Variants in ARHGAP20 observed in about 807,000 individuals in gnomAD.
The protein encoded by ARHGAP20 is Rho GTPase activating protein 20, also known as rho GTPase-activating protein 20.
A neutral mutation model predicts 73.7 loss-of-function variants in ARHGAP20; 34 were observed. The observed-to-expected ratio is 0.46, with a 90% confidence interval of 0.35 to 0.61. The LOEUF (loss-of-function observed/expected upper bound fraction) is 0.61, where lower values mean the gene tolerates loss of function less well. Ranked by LOEUF, ARHGAP20 falls within the 20% of genes least tolerant of loss-of-function variation. The pLI is 0.00. For missense variants in ARHGAP20, 1,314 were observed against 1,420.9 expected (o/e 0.92, Z 1.21); for synonymous variants, 523 against 518.2 (o/e 1.01, Z -0.13).
intron 2 of ARHGAP20, among the ~76,000 whole-genome samples, chr11:110,656,359 G>T (rs1356910995): frequency 2.0e-5 from 3 of 152,120 alleles, no homozygotes; most frequent in Non-Finnish European, 4.4e-5. Flanking sequence ...ATTCTACTTT[G>T]AATTGGTGGA....
chr11:110,598,423 C>T (rs1480599196), intron 9 of ARHGAP20, among the ~76,000 whole-genome samples: 1 of 152,174 alleles, frequency 6.6e-6, no homozygotes, highest in East Asian at 1.9e-4. Flanking sequence ...TTCCATTCCA[C>T]TCAAGTTTTT....
intron 2 of ARHGAP20, among the ~76,000 whole-genome samples, chr11:110,650,511 C>G (rs1464874429): frequency 2.0e-5 from 3 of 152,118 alleles, no homozygotes; most frequent in Admixed American, 2.0e-4. Context: ...AAGAAAGTAA[C>G]TAACTCTCTT....
intron 1 of ARHGAP20, among the ~76,000 whole-genome samples, chr11:110,696,190 A>C (rs945257591): frequency 2.0e-5 from 3 of 151,630 alleles, no homozygotes; most frequent in Non-Finnish European, 4.4e-5. Flanking sequence ...ATGATAGCTA[A>C]GGGGGTTCAG....
At chr11:110,599,898 G>A (rs1948068487) in intron 9 of ARHGAP20, among the ~76,000 whole-genome samples, 1 of 151,990 alleles carries the variant, frequency 6.6e-6, no homozygotes, top group Non-Finnish European at 1.5e-5. Flanking sequence ...CAACTACAGG[G>A]AGGAGCTATC....
intron 2 of ARHGAP20, among the ~76,000 whole-genome samples, chr11:110,650,875 A>G (rs1377325142): frequency 6.6e-6 from 1 of 152,180 alleles, no homozygotes; most frequent in Non-Finnish European, 1.5e-5. Flanking sequence ...AAGATGCCCA[A>G]TGTAGTTCTG....
rs1948370903 is a variant in ARHGAP20 at position 110,611,721 on chromosome 11, TTATTTCCATAATTG to T, written c.631-349_631-336del. The stretch of plus-strand genomic sequence containing the variant: ...AGATCAGTGAGGTTGGTCCTCTGTC[TTATTTCCATAATTG>T]TATTTCCATAAGGCAATGGGTAATA... On this transcript the variant is annotated intron_variant, in intron 6 of 14. Transcript: ENST00000683387. Among the ~76,000 whole-genome samples the T allele has an allele frequency of 2.0e-5, 3 of 152,226 alleles. No homozygotes were observed. In the South Asian group the frequency reaches 6.2e-4, roughly 32 times the overall value.
At chr11:110,585,113 A>C (rs933986826) in intron 12 of ARHGAP20, among the ~76,000 whole-genome samples, 1 of 150,004 alleles carries the variant, frequency 6.7e-6, no homozygotes, top group Non-Finnish European at 1.5e-5. Context: ...ATATATGTGA[A>C]TATATATGAA....
intron 2 of ARHGAP20, among the ~76,000 whole-genome samples, chr11:110,668,741 T>C (rs1054524077): frequency 2.0e-5 from 3 of 152,232 alleles, no homozygotes; most frequent in Non-Finnish European, 4.4e-5. Flanking sequence ...ATAACTTTTA[T>C]ATGCACTGGG....
intron 8 of ARHGAP20, among the ~76,000 whole-genome samples, chr11:110,607,295 G>T (rs1948256914): frequency 6.6e-6 from 1 of 152,080 alleles, no homozygotes; most frequent in African/African-American, 2.4e-5. Flanking sequence ...TACTCAACTG[G>T]TTTGATTTAT....
chr11:110,605,907 AC>A (rs57445979), intron 9 of ARHGAP20, among the ~76,000 whole-genome samples: 3,824 of 152,312 alleles, frequency 0.025, 136 homozygotes, highest in African/African-American at 0.081. Context: ...TCTCACTCAT[AC>A]TTTTTGATAT....
chr11:110,672,302 T>C (rs1432602444), intron 2 of ARHGAP20, among the ~76,000 whole-genome samples: 1 of 152,132 alleles, frequency 6.6e-6, no homozygotes, highest in African/African-American at 2.4e-5. Context: ...CTCTTTCAAC[T>C]CTACAAGTTT....
intron 6 of ARHGAP20, 97 bp from the exon 7 acceptor site, chr11:110,611,483 T>A: frequency 1.7e-6 from 1 of 577,724 alleles, no homozygotes; most frequent in African/African-American, 2.0e-5. Context: ...AGGCAAATAT[T>A]GATTTCAAAT....
intron 2 of ARHGAP20, among the ~76,000 whole-genome samples, chr11:110,633,073 C>A (rs183761800): frequency 6.6e-6 from 1 of 152,254 alleles, no homozygotes; most frequent in East Asian, 1.9e-4. Context: ...TCAAGATATT[C>A]TCCAATGCAT....
At chr11:110,621,817 C>T (rs1426746744) in intron 4 of ARHGAP20, among the ~76,000 whole-genome samples, 2 of 152,204 alleles carry the variant, frequency 1.3e-5, no homozygotes, top group African/African-American at 4.8e-5. Context: ...GTATTCTGGA[C>T]ATTACAAATG....
chr11:110,625,951 A>G (rs1948735317), intron 3 of ARHGAP20, among the ~76,000 whole-genome samples: 1 of 152,228 alleles, frequency 6.6e-6, no homozygotes, highest in African/African-American at 2.4e-5. Context: ...TCATAAGATG[A>G]AAAAGGATTT....
At chr11:110,594,282 G>A (rs970601877) in intron 9 of ARHGAP20, among the ~76,000 whole-genome samples, 6 of 152,168 alleles carry the variant, frequency 3.9e-5, no homozygotes, top group Non-Finnish European at 8.8e-5. Flanking sequence ...TTTGGCTCTA[G>A]AGTCAGGAGC....
At chr11:110,608,656 A>T (rs1030435112) in intron 8 of ARHGAP20, among the ~76,000 whole-genome samples, 1 of 152,178 alleles carries the variant, frequency 6.6e-6, no homozygotes, top group African/African-American at 2.4e-5. Flanking sequence ...TGAAAAATAA[A>T]TGTATGGAGA....
At chr11:110,687,808 A>C (rs1950165425) in intron 2 of ARHGAP20, among the ~76,000 whole-genome samples, 1 of 152,224 alleles carries the variant, frequency 6.6e-6, no homozygotes, top group Non-Finnish European at 1.5e-5. Context: ...AGACATGATT[A>C]TACTAAAGAC....
chr11:110,634,876 G>A (rs1948931894), intron 2 of ARHGAP20, among the ~76,000 whole-genome samples: 1 of 151,930 alleles, frequency 6.6e-6, no homozygotes, highest in Admixed American at 6.6e-5. Flanking sequence ...GTCACTTCAG[G>A]GAAACAATCC....
Sources: gnomAD v4.1 joint callset for allele counts (sites outside exome capture counted in the v4.1 genomes callset) on GRCh38, gnomAD v4.1.1 for gene constraint, MANE v1.5 for transcripts, NCBI Gene and HGNC (gene_info 2026-07-23, HGNC 2026-07-21) for gene names.